NTRK2: variants seen among roughly 807,000 people sequenced by gnomAD.
The protein encoded by NTRK2 is neurotrophic receptor tyrosine kinase 2, also known as BDNF/NT-3 growth factors receptor.
In NTRK2, 13 loss-of-function variants were observed where a neutral mutation model predicts 94.5. That is an observed-to-expected ratio of 0.14 (90% CI 0.09 to 0.22). The LOEUF is 0.22. Among genes scored for constraint, NTRK2 ranks in the 10% least tolerant of loss-of-function variants. NTRK2 has a pLI of 1.00. For missense variants in NTRK2, 639 were observed against 1,071.2 expected, an observed-to-expected ratio of 0.60 and a Z score of 5.63; for synonymous variants, 372 against 407.4, an observed-to-expected ratio of 0.91 and a Z score of 1.05.
chr9:84,812,882 T>A, intron 12 of NTRK2: 1 of 1,034,066 alleles, frequency 9.7e-7, no homozygotes, highest in Non-Finnish European at 1.2e-6. Context: ...AAAGATCAGT[T>A]GACATCTCCT....
chr9:84,755,187 C>G (rs1238968913), intron 12 of NTRK2, among the ~76,000 whole-genome samples: 2 of 152,184 alleles, frequency 1.3e-5, no homozygotes, highest in African/African-American at 4.8e-5. Context: ...GAAGATGGGT[C>G]TGCAGGTCTG....
chr9:84,679,216 G>A (rs181126846), intron 2 of NTRK2, among the ~76,000 whole-genome samples: 17 of 152,256 alleles, frequency 1.1e-4, no homozygotes, highest in African/African-American at 4.1e-4. Context: ...CAGCCCACAT[G>A]GACTAAGGTA....
intron 14 of NTRK2, among the ~76,000 whole-genome samples, chr9:84,888,902 A>G (rs1157556659): frequency 1.3e-5 from 2 of 151,388 alleles, no homozygotes; most frequent in Non-Finnish European, 2.9e-5. Flanking sequence ...GCTTTAGTTT[A>G]AGTCTCTGGG....
chr9:84,797,604 ATATATAATATATATAC>A (rs2069549507), intron 12 of NTRK2, among the ~76,000 whole-genome samples: 1 of 80,082 alleles, frequency 1.2e-5, no homozygotes, highest in African/African-American at 5.1e-5. Context: ...ACTATATATT[ATATATAATATATATAC>A]TATATATTAT....
chr9:84,805,695 A>G (rs914092875), intron 12 of NTRK2, among the ~76,000 whole-genome samples: 3 of 152,234 alleles, frequency 2.0e-5, no homozygotes, highest in African/African-American at 7.2e-5. Context: ...ATGTGGCAGT[A>G]TAGAGAGTTG....
chr9:84,953,847 ACC>A (rs1233034817), intron 16 of NTRK2, among the ~76,000 whole-genome samples: 1 of 151,992 alleles, frequency 6.6e-6, no homozygotes, highest in Admixed American at 6.6e-5. Flanking sequence ...GGCCTGGGAG[ACC>A]CCCCAACTCC....
At chr9:84,907,895 C>A (rs1017686836) in intron 14 of NTRK2, among the ~76,000 whole-genome samples, 1 of 152,080 alleles carries the variant, frequency 6.6e-6, no homozygotes, top group Non-Finnish European at 1.5e-5. Flanking sequence ...TCAGACAATA[C>A]CCTTTGGCTG....
At chr9:84,739,422 C>A (rs908796612) in intron 9 of NTRK2, among the ~76,000 whole-genome samples, 3 of 152,160 alleles carry the variant, frequency 2.0e-5, no homozygotes, top group African/African-American at 7.2e-5. Flanking sequence ...TTTTCCATAC[C>A]TAACATTTGT....
At chr9:84,841,060 C>T (rs893330286) in intron 12 of NTRK2, among the ~76,000 whole-genome samples, 4 of 152,208 alleles carry the variant, frequency 2.6e-5, no homozygotes, top group Non-Finnish European at 4.4e-5. Context: ...TTGAGACCCT[C>T]TCCTCTCCAG....
chr9:84,949,847 C>T (rs1468337632), intron 16 of NTRK2, among the ~76,000 whole-genome samples: 2 of 152,168 alleles, frequency 1.3e-5, no homozygotes, highest in Non-Finnish European at 2.9e-5. Context: ...GGAGGAACCA[C>T]AAGATAGAGC....
chr9:84,873,516 T>A (rs201709574), intron 14 of NTRK2: 33 of 1,058,136 alleles, frequency 3.1e-5, no homozygotes, highest in Non-Finnish European at 3.5e-5. Context: ...CCCCCATTGC[T>A]AGCTACAACA....
intron 12 of NTRK2, among the ~76,000 whole-genome samples, chr9:84,791,988 C>T (rs1188799833): frequency 2.0e-5 from 3 of 152,114 alleles, no homozygotes; most frequent in Non-Finnish European, 2.9e-5. Flanking sequence ...CCTGTGATTC[C>T]CCAGCCTGGG....
At chr9:84,901,710 G>C (rs1389553692) in intron 14 of NTRK2, among the ~76,000 whole-genome samples, 1 of 151,898 alleles carries the variant, frequency 6.6e-6, no homozygotes, top group Non-Finnish European at 1.5e-5. Context: ...AATGATGGTG[G>C]TGCTAAGAGT....
intron 2 of NTRK2, among the ~76,000 whole-genome samples, chr9:84,676,715 G>A (rs563506448): frequency 1.3e-5 from 2 of 152,234 alleles, no homozygotes; most frequent in South Asian, 2.1e-4. Flanking sequence ...CAAACAGACC[G>A]CCTAATTCTG....
intron 14 of NTRK2, among the ~76,000 whole-genome samples, chr9:84,897,589 T>A (rs537925693): frequency 6.6e-6 from 1 of 152,312 alleles, no homozygotes; most frequent in Non-Finnish European, 1.5e-5. Flanking sequence ...TTCCCTTGAG[T>A]GCTGGCACCT....
intron 12 of NTRK2, among the ~76,000 whole-genome samples, chr9:84,777,285 T>G (rs998138596): frequency 6.6e-6 from 1 of 152,210 alleles, no homozygotes; most frequent in Non-Finnish European, 1.5e-5. Context: ...GTGACACCGT[T>G]CAGAGAACTC....
chr9:84,670,539 A>C lies in NTRK2; in HGVS notation c.-210A>C, dbSNP rs778721792. 1.7e-5 allele frequency: 10 copies of C among 598,130 alleles called. No individual in the cohort carries two copies. Among genetic ancestry groups the C allele is most frequent in the Non-Finnish European group, 3.0e-5 (10 of 336,476 alleles). The allele number at this position is 598,130 out of a possible 1,614,324, so 37.1% of individuals were successfully genotyped here. On this transcript the variant is annotated 5_prime_UTR_variant, in exon 2 of 19. It removes an upstream start codon present in the reference 5' UTR. Transcript: ENST00000277120. The stretch of plus-strand genomic sequence containing the variant: ...GCGCCCCCCTGTAAAGCGGTTCGCT[A>C]TGCCGGGGCCACTGTGAACCCTGCC...
chr9:84,812,284 C>T (rs2071893838), intron 12 of NTRK2: 1 of 1,056,604 alleles, frequency 9.5e-7, no homozygotes, highest in East Asian at 5.2e-5. Context: ...TACGTTATTG[C>T]TTGATGAAGA....
intron 14 of NTRK2, among the ~76,000 whole-genome samples, chr9:84,921,069 C>A (rs2077550777): frequency 6.6e-6 from 1 of 152,174 alleles, no homozygotes; most frequent in Non-Finnish European, 1.5e-5. Context: ...ATAATAGCAT[C>A]ACTGAAGCTC....
Sources: gnomAD v4.1 joint callset for allele counts (sites outside exome capture counted in the v4.1 genomes callset) on GRCh38, gnomAD v4.1.1 for gene constraint, MANE v1.5 for transcripts, NCBI Gene and HGNC (gene_info 2026-07-23, HGNC 2026-07-21) for gene names.